ENTREP2: variants seen among roughly 807,000 people sequenced by gnomAD.
ENTREP2 encodes protein ENTREP2.
chr15:29,486,191 A>ACACAC, the ENTREP2 span, among the ~76,000 whole-genome samples: 286 of 120,470 alleles, frequency 2.4e-3, no homozygotes, highest in African/African-American at 8.1e-3. Flanking sequence ...CACACACACA[A>ACACAC]ACACACAATA....
chr15:29,593,006 G>A, the ENTREP2 span, among the ~76,000 whole-genome samples: 11 of 152,008 alleles, frequency 7.2e-5, no homozygotes, highest in African/African-American at 2.4e-4. Flanking sequence ...ACCATGAGCC[G>A]AATAATAAAC....
At chr15:29,463,961 C>T in the ENTREP2 span, among the ~76,000 whole-genome samples, 4 of 152,096 alleles carry the variant, frequency 2.6e-5, no homozygotes, top group Non-Finnish European at 5.9e-5. Context: ...AGCCATGAAA[C>T]GACACATACT....
chr15:29,252,581 C>A, the ENTREP2 span: 1 of 600,646 alleles, frequency 1.7e-6, no homozygotes, highest in South Asian at 2.7e-5. Flanking sequence ...AACAGTTGAT[C>A]ACATAATTAC....
At chr15:29,166,656 G>C in the ENTREP2 span, among the ~76,000 whole-genome samples, 1 of 152,076 alleles carries the variant, frequency 6.6e-6, no homozygotes, top group African/African-American at 2.4e-5. Flanking sequence ...AAACACTGCT[G>C]AAAGTAATCA....
chr15:29,333,943 T>C, the ENTREP2 span, among the ~76,000 whole-genome samples: 4 of 151,482 alleles, frequency 2.6e-5, no homozygotes, highest in East Asian at 7.8e-4. Context: ...GTGATGCATC[T>C]ACAAGCCAAG....
At chr15:29,420,446 T>C in the ENTREP2 span, among the ~76,000 whole-genome samples, 1 of 152,018 alleles carries the variant, frequency 6.6e-6, no homozygotes, top group Non-Finnish European at 1.5e-5. Flanking sequence ...TCAGAGAGCT[T>C]TGATGGTAGC....
the ENTREP2 span, among the ~76,000 whole-genome samples, chr15:29,560,812 T>C: frequency 6.6e-6 from 1 of 151,802 alleles, no homozygotes; most frequent in Non-Finnish European, 1.5e-5. Context: ...CAAATGTCTT[T>C]ATTCCACACA....
At chr15:29,361,369 T>C in the ENTREP2 span, among the ~76,000 whole-genome samples, 2 of 152,226 alleles carry the variant, frequency 1.3e-5, no homozygotes, top group Admixed American at 6.5e-5. Context: ...TGAATACTTG[T>C]CTTGGGCCAA....
the ENTREP2 span, among the ~76,000 whole-genome samples, chr15:29,215,825 G>A: frequency 6.6e-6 from 1 of 152,098 alleles, no homozygotes; most frequent in Non-Finnish European, 1.5e-5. Flanking sequence ...GCAGATGGTT[G>A]TTGAGTTCTG....
the ENTREP2 span, chr15:29,196,465 G>C: frequency 6.4e-7 from 1 of 1,551,718 alleles, no homozygotes; most frequent in Non-Finnish European, 8.7e-7. Flanking sequence ...CAGTTCTCCT[G>C]CAGCGGGTTC....
chr15:29,660,997 T>C, the ENTREP2 span, among the ~76,000 whole-genome samples: 1 of 152,210 alleles, frequency 6.6e-6, no homozygotes, highest in Non-Finnish European at 1.5e-5. Context: ...GGGACAACTC[T>C]ATAATTATTG....
the ENTREP2 span, among the ~76,000 whole-genome samples, chr15:29,629,448 A>T: frequency 1.3e-5 from 2 of 152,100 alleles, no homozygotes; most frequent in Non-Finnish European, 2.9e-5. Context: ...TTTGTTCATA[A>T]TGTTTTTTAT....
chr15:29,516,288 C>T, the ENTREP2 span, among the ~76,000 whole-genome samples: 2 of 152,216 alleles, frequency 1.3e-5, no homozygotes, highest in South Asian at 2.1e-4. Context: ...TAACTGAACC[C>T]CTGCCTTGGA....
the ENTREP2 span, chr15:29,252,519 G>A: frequency 1.6e-6 from 2 of 1,214,048 alleles, no homozygotes; most frequent in Non-Finnish European, 2.4e-6. Context: ...TTCACTTGGA[G>A]AGGCTCAAAG....
At chr15:29,510,664 G>A in the ENTREP2 span, among the ~76,000 whole-genome samples, 175 of 152,028 alleles carry the variant, frequency 1.2e-3, 2 homozygotes, top group African/African-American at 4.0e-3. Context: ...AAAATTAGCC[G>A]GGCATGGTGG....
At chr15:29,162,822 A>G in the ENTREP2 span, among the ~76,000 whole-genome samples, 1 of 152,024 alleles carries the variant, frequency 6.6e-6, no homozygotes, top group Non-Finnish European at 1.5e-5. Context: ...TGCTTTCTGG[A>G]AAGCGCCACC....
chr15:29,515,279 T>C, the ENTREP2 span, among the ~76,000 whole-genome samples: 1 of 151,994 alleles, frequency 6.6e-6, no homozygotes, highest in Non-Finnish European at 1.5e-5. Flanking sequence ...AGACCCCAAA[T>C]ATGAACAAGA....
chr15:29,562,281 C>G, the ENTREP2 span, among the ~76,000 whole-genome samples: 3 of 152,298 alleles, frequency 2.0e-5, no homozygotes, highest in African/African-American at 7.2e-5. Context: ...ATGGGGTCTA[C>G]AGATTGGATA....
chr15:29,214,234 G>A, the ENTREP2 span, among the ~76,000 whole-genome samples: 1 of 152,178 alleles, frequency 6.6e-6, no homozygotes, highest in African/African-American at 2.4e-5. Context: ...AAAGACACAT[G>A]CACACATATG....
Sources: allele counts gnomAD v4.1 joint callset (sites outside exome capture counted in the v4.1 genomes callset), GRCh38; gene constraint gnomAD v4.1.1; transcripts MANE v1.5; gene names NCBI Gene and HGNC (gene_info 2026-07-23, HGNC 2026-07-21).